MRTFA: variants seen among roughly 807,000 people sequenced by gnomAD.
MRTFA encodes the protein myocardin-related transcription factor A.
In MRTFA, 20 loss-of-function variants were observed where a neutral mutation model predicts 83.5. The observed-to-expected ratio is 0.24, with a 90% CI of 0.17 to 0.35. The LOEUF (loss-of-function observed/expected upper bound fraction) is 0.35, where lower values mean the gene tolerates loss of function less well. MRTFA is among the 10% of genes least tolerant of loss of function. MRTFA has a pLI of 1.00. For missense variants in MRTFA, 1,200 were observed against 1,224.7 expected (o/e 0.98, Z 0.30); for synonymous variants, 659 against 541.2 (o/e 1.22, Z -3.02).
At chr22:40,426,731 C>A (rs1393095463) in intron 7 of MRTFA, among the ~76,000 whole-genome samples, 2 of 152,194 alleles carry the variant, frequency 1.3e-5, no homozygotes, top group South Asian at 2.1e-4. Context: ...CTGTTCCCAT[C>A]CCTGAGAGAA....
chr22:40,484,800 C>T (rs1241601892), intron 3 of MRTFA, among the ~76,000 whole-genome samples: 1 of 151,578 alleles, frequency 6.6e-6, no homozygotes, highest in Non-Finnish European at 1.5e-5. Flanking sequence ...GAGGCGGGTG[C>T]GGTGGCTCAC....
chr22:40,618,628 T>G (rs759956444), intron 1 of MRTFA, among the ~76,000 whole-genome samples: 4 of 151,970 alleles, frequency 2.6e-5, no homozygotes, highest in Non-Finnish European at 5.9e-5. Flanking sequence ...GGAGAACAGA[T>G]AATAAGAAAT....
At chr22:40,453,418 C>T (rs917937466) in intron 4 of MRTFA, among the ~76,000 whole-genome samples, 1 of 152,182 alleles carries the variant, frequency 6.6e-6, no homozygotes, top group Non-Finnish European at 1.5e-5. Context: ...AGAGGGCCAA[C>T]TGCAAGGTTT....
intron 3 of MRTFA, among the ~76,000 whole-genome samples, chr22:40,498,649 C>T (rs1602340266): frequency 2.0e-5 from 3 of 151,974 alleles, no homozygotes; most frequent in African/African-American, 7.2e-5. Context: ...AGAAGACAGA[C>T]ACAGACAGTA....
intron 3 of MRTFA, among the ~76,000 whole-genome samples, chr22:40,491,980 C>T (rs146310729): frequency 1.3e-5 from 2 of 152,178 alleles, no homozygotes. Flanking sequence ...GGCACAAATA[C>T]TCGAACCTTC....
Position 40,417,460 on chromosome 22 carries a change from G to C in MRTFA, c.2398C>G (p.Pro800Ala), listed in dbSNP as rs755591098. Residue 800 changes from proline (P) to alanine (A), a missense_variant, in exon 13 of 15, where the codon CCC (proline) becomes GCC (alanine). Transcript: ENST00000355630. ...TGCTCCAGGTCCATCTGGGCAGAGG[G>C]GGCAGGCGCTGGAGAGCCAGGCTGG... 1 of 1,598,060 alleles carries C rather than the reference G, an allele frequency of 6.3e-7. No homozygotes were observed.
At chr22:40,443,898 G>A (rs576942645) in intron 4 of MRTFA, among the ~76,000 whole-genome samples, 2 of 152,298 alleles carry the variant, frequency 1.3e-5, no homozygotes, top group African/African-American at 2.4e-5. Flanking sequence ...GAGGGCTGGT[G>A]GAGAGCCATG....
intron 3 of MRTFA, among the ~76,000 whole-genome samples, chr22:40,473,542 G>A (rs775793584): frequency 6.6e-6 from 1 of 152,118 alleles, no homozygotes; most frequent in Non-Finnish European, 1.5e-5. Flanking sequence ...AGCTTGATCT[G>A]CTAATAATTG....
intron 14 of MRTFA, chr22:40,412,135 C>A: frequency 2.6e-6 from 1 of 383,158 alleles, no homozygotes; most frequent in Non-Finnish European, 4.5e-6. Context: ...TTCTAAAACT[C>A]AACAACAAAA....
At position 40,523,157 on chromosome 22, in the gene MRTFA, G is replaced by A. The variant is rs147329902; in HGVS notation, c.241+28949C>T. Among the ~76,000 whole-genome samples the A allele has an allele frequency of 4.0e-5, 6 of 150,546 alleles. No individual in the cohort carries two copies. In the East Asian group the frequency reaches 5.8e-4, roughly 15 times the overall value. The stretch of plus-strand genomic sequence containing the variant: ...AAAAAAAAGTTGTCAAATTGTGAAC[G>A]TTTATCTAACACAGAGAACTATACC... On this transcript the variant is annotated intron_variant, in intron 3 of 14. Transcript: ENST00000355630.
At chr22:40,549,790 G>A (rs920644184) in intron 3 of MRTFA, among the ~76,000 whole-genome samples, 1 of 152,114 alleles carries the variant, frequency 6.6e-6, no homozygotes, top group Admixed American at 6.6e-5. Context: ...GGTGGCTCAC[G>A]CCTATAATCC....
chr22:40,463,445 T>C lies in MRTFA; in HGVS notation c.242-159A>G, dbSNP rs2053751967. 6 of 618,134 alleles carry C rather than the reference T, an allele frequency of 9.7e-6. No homozygotes were observed. The South Asian group carries it at 1.2e-4, about 12-fold the overall frequency. The allele number at this position is 618,134 out of a possible 1,614,324, so 38.3% of individuals were successfully genotyped here. A position where few individuals can be genotyped will look rare whatever the true frequency, so the allele number is the denominator to read the frequency against. On this transcript the variant is annotated intron_variant, in intron 3 of 14. Coordinates refer to ENST00000355630, the MANE Select transcript of MRTFA (RefSeq NM_020831.6). The stretch of plus-strand genomic sequence containing the variant: ...ACTGTCTGTAATTGCAGAAGTGGCC[T>C]GATACAGCAGAGTTTCCGTATTCTG...
intron 1 of MRTFA, among the ~76,000 whole-genome samples, chr22:40,624,253 G>A (rs573489699): frequency 3.3e-5 from 5 of 151,848 alleles, no homozygotes; most frequent in Non-Finnish European, 5.9e-5. Flanking sequence ...GTGAAACTCC[G>A]TCTCTACTAA....
chr22:40,548,544 G>A lies in MRTFA; in HGVS notation c.241+3562C>T, dbSNP rs569929614. 5.9e-5 allele frequency among the ~76,000 whole-genome samples: 9 copies of A among 151,698 alleles called. No individual in the cohort carries two copies. The South Asian group carries it at 1.9e-3, about 32-fold the overall frequency. Reference sequence around the variant, plus strand: ...CTTGACATTTATTTACACCAGCATGGGACAGAAAATATTGTATAAAAATAT... The same window carrying A: ...CTTGACATTTATTTACACCAGCATGAGACAGAAAATATTGTATAAAAATAT... On this transcript the variant is annotated intron_variant, in intron 3 of 14. Transcript: ENST00000355630.
At chr22:40,590,022 GA>G (rs1189334273) in intron 2 of MRTFA, among the ~76,000 whole-genome samples, 143 of 94,244 alleles carry the variant, frequency 1.5e-3, no homozygotes, top group African/African-American at 2.8e-3. Context: ...ACTCCGTCTC[GA>G]AAAAAAAAAA....
chr22:40,573,720 T>TA (rs897587081), intron 2 of MRTFA, among the ~76,000 whole-genome samples: 1 of 151,102 alleles, frequency 6.6e-6, no homozygotes, highest in Non-Finnish European at 1.5e-5. Context: ...CTGGGTAACA[T>TA]AGAGAGGCCC....
chr22:40,457,441 A>AGAAG (rs1303791115), intron 4 of MRTFA, among the ~76,000 whole-genome samples: 2 of 99,226 alleles, frequency 2.0e-5, no homozygotes, highest in Non-Finnish European at 4.3e-5. Context: ...AGAAAGAGAA[A>AGAAG]GAAAGAAAGA....
chr22:40,555,665 C>T (rs1428995961), intron 2 of MRTFA, among the ~76,000 whole-genome samples: 1 of 148,924 alleles, frequency 6.7e-6, no homozygotes, highest in Non-Finnish European at 1.5e-5. Flanking sequence ...GAGGCAGAGT[C>T]TCGCTCTGTT....
chr22:40,616,438 C>T (rs909091938), intron 1 of MRTFA, among the ~76,000 whole-genome samples: 13 of 152,048 alleles, frequency 8.5e-5, no homozygotes, highest in South Asian at 2.1e-4. Flanking sequence ...GAATGACGGA[C>T]GGAAGAAAAC....
Sources: allele counts gnomAD v4.1 joint callset (sites outside exome capture counted in the v4.1 genomes callset), GRCh38; gene constraint gnomAD v4.1.1; transcripts MANE v1.5; gene names NCBI Gene and HGNC (gene_info 2026-07-23, HGNC 2026-07-21).